Variants in GALNTL6 observed in about 807,000 individuals in gnomAD.
The protein encoded by GALNTL6 is polypeptide N-acetylgalactosaminyltransferase like 6, also known as polypeptide N-acetylgalactosaminyltransferase-like 6.
A neutral mutation model predicts 73.7 loss-of-function variants in GALNTL6; 46 were observed. The observed-to-expected ratio is 0.62, with a 90% CI of 0.49 to 0.80. GALNTL6 has a LOEUF of 0.80. GALNTL6 is among the 30% of genes least tolerant of loss of function. The probability of loss-of-function intolerance (pLI) is 0.00; values close to 1 mark genes in which losing one functional copy is unlikely to be tolerated. For synonymous variants in GALNTL6, 259 were observed against 263.7 expected, an observed-to-expected ratio of 0.98 and a Z score of 0.17; for missense variants, 604 against 755.0, an observed-to-expected ratio of 0.80 and a Z score of 2.34.
chr4:172,701,522 G>A (rs939354923), intron 5 of GALNTL6, among the ~76,000 whole-genome samples: 6 of 152,182 alleles, frequency 3.9e-5, no homozygotes, highest in African/African-American at 1.4e-4. Context: ...CTGTCTTTAG[G>A]TAACTCTTCC....
At chr4:172,988,726 G>T (rs965844775) in intron 10 of GALNTL6, among the ~76,000 whole-genome samples, 2 of 152,254 alleles carry the variant, frequency 1.3e-5, no homozygotes, top group African/African-American at 4.8e-5. Flanking sequence ...TTGAGACACT[G>T]CTCCCTGCAT....
intron 5 of GALNTL6, among the ~76,000 whole-genome samples, chr4:172,680,507 A>G (rs190120234): frequency 2.0e-4 from 30 of 152,336 alleles, no homozygotes; most frequent in African/African-American, 6.3e-4. Flanking sequence ...GATCTAAATT[A>G]TAGATGAGAC....
chr4:172,717,862 CAA>C (rs1735204878), intron 5 of GALNTL6, among the ~76,000 whole-genome samples: 1 of 152,152 alleles, frequency 6.6e-6, no homozygotes, highest in Admixed American at 6.5e-5. Context: ...GAAATCACAG[CAA>C]AGTCTCCTTT....
At chr4:171,901,824 G>A (rs1055554051) in intron 2 of GALNTL6, among the ~76,000 whole-genome samples, 4 of 151,744 alleles carry the variant, frequency 2.6e-5, no homozygotes, top group Admixed American at 2.0e-4. Context: ...TAATCATATG[G>A]GAGAAAAAAT....
rs563524779 is a variant in GALNTL6, at chr4:172,149,226, T to A, written c.139-80430T>A. The stretch of plus-strand genomic sequence containing the variant: ...AATATCCATTTTCAGTATATCTATA[T>A]AACAGACCAGTTCTTTTCTCCTTAA... On this transcript the variant is annotated intron_variant, in intron 2 of 12. Transcript: ENST00000506823. Among the ~76,000 whole-genome samples the A allele has an allele frequency of 1.1e-4, 17 of 152,364 alleles. No homozygotes were observed. In the East Asian group the frequency reaches 2.7e-3, roughly 24 times the overall value.
intron 2 of GALNTL6, among the ~76,000 whole-genome samples, chr4:172,227,784 G>T (rs1054300420): frequency 6.6e-6 from 1 of 152,134 alleles, no homozygotes; most frequent in East Asian, 1.9e-4. Flanking sequence ...TGTTCAATCT[G>T]CATTATATTA....
At chr4:173,021,046 C>A (rs1232639387) in intron 11 of GALNTL6, among the ~76,000 whole-genome samples, 2 of 152,174 alleles carry the variant, frequency 1.3e-5, no homozygotes, top group African/African-American at 2.4e-5. Context: ...GCACTCCAGC[C>A]TGGGAGACAG....
intron 5 of GALNTL6, among the ~76,000 whole-genome samples, chr4:172,405,542 A>T (rs1471766676): frequency 6.7e-6 from 1 of 149,800 alleles, no homozygotes; most frequent in East Asian, 2.0e-4. Context: ...AGCTACACAT[A>T]TAACCATGTT....
intron 7 of GALNTL6, among the ~76,000 whole-genome samples, chr4:172,830,657 C>T (rs999419164): frequency 1.8e-4 from 28 of 152,232 alleles, no homozygotes; most frequent in South Asian, 2.1e-4. Flanking sequence ...GCAGCCACAC[C>T]GTGGCATTAT....
At chr4:171,832,109 T>C (rs1296972968) in intron 2 of GALNTL6, among the ~76,000 whole-genome samples, 1 of 151,414 alleles carries the variant, frequency 6.6e-6, no homozygotes, top group African/African-American at 2.4e-5. Context: ...TTCCCTATGA[T>C]ATTTTCCATG....
chr4:172,913,536 G>T (rs1747330359), intron 8 of GALNTL6, among the ~76,000 whole-genome samples: 1 of 152,180 alleles, frequency 6.6e-6, no homozygotes, highest in Admixed American at 6.5e-5. Context: ...ACAGCATAGA[G>T]AAGACCTTAA....
At chr4:172,666,621 CAAT>C (rs1306533131) in intron 5 of GALNTL6, among the ~76,000 whole-genome samples, 9 of 152,190 alleles carry the variant, frequency 5.9e-5, no homozygotes, top group African/African-American at 1.4e-4. Flanking sequence ...TGTCTCAAAA[CAAT>C]GATGTAATTC....
In GALNTL6 at chr4:172,517,265, G is replaced by T. The variant is rs140675136; in HGVS notation, c.553+168576G>T. The stretch of plus-strand genomic sequence containing the variant: ...GTTTCTGGGCCTGAAACCTATTTCT[G>T]ATGGCCAGGTAGTGGCTCACAAGAA... On this transcript the variant is annotated intron_variant, in intron 5 of 12. Transcript: ENST00000506823. Among the ~76,000 whole-genome samples, 6 of 151,774 alleles carry T rather than the reference G, an allele frequency of 4.0e-5. No individual in the cohort carries two copies. In the East Asian group the frequency reaches 1.2e-3, roughly 29 times the overall value.
chr4:172,930,011 T>C (rs1748243845), intron 8 of GALNTL6, among the ~76,000 whole-genome samples: 1 of 152,174 alleles, frequency 6.6e-6, no homozygotes, highest in Non-Finnish European at 1.5e-5. Context: ...GTGCGGTGGC[T>C]CACGCCTGTA....
intron 5 of GALNTL6, among the ~76,000 whole-genome samples, chr4:172,702,183 A>G (rs1478016902): frequency 2.0e-5 from 3 of 152,092 alleles, no homozygotes; most frequent in South Asian, 2.1e-4. Flanking sequence ...CTTTTATATC[A>G]ATATTAGAAT....
intron 2 of GALNTL6, among the ~76,000 whole-genome samples, chr4:172,203,006 T>A (rs1736004040): frequency 6.6e-6 from 1 of 152,178 alleles, no homozygotes; most frequent in South Asian, 2.1e-4. Context: ...AGTTTACAAA[T>A]AATAGAGTTT....
At chr4:172,879,114 C>T (rs974771440) in intron 7 of GALNTL6, among the ~76,000 whole-genome samples, 8 of 151,648 alleles carry the variant, frequency 5.3e-5, no homozygotes, top group African/African-American at 1.7e-4. Context: ...AAGAGAGCTA[C>T]GGAAACATGT....
chr4:171,997,520 A>G lies in GALNTL6; in HGVS notation c.138+182802A>G, dbSNP rs144593345. Among the ~76,000 whole-genome samples the G allele has an allele frequency of 2.0e-4, 31 of 152,192 alleles. No homozygotes were observed. The East Asian group carries it at 2.5e-3, about 12-fold the overall frequency. ...TCATATTAGCCTACTGTTGGGCATAATCATCTAATGCAAAGCCTATTTTAT... is the reference window on the plus strand; with the variant it reads ...TCATATTAGCCTACTGTTGGGCATAGTCATCTAATGCAAAGCCTATTTTAT... On this transcript the variant is annotated intron_variant, in intron 2 of 12. Transcript: ENST00000506823.
At chr4:172,867,734 C>T (rs886329780) in intron 7 of GALNTL6, among the ~76,000 whole-genome samples, 6 of 152,212 alleles carry the variant, frequency 3.9e-5, no homozygotes, top group African/African-American at 1.4e-4. Flanking sequence ...GTAACACAAG[C>T]AGGTATACCT....
Sources: allele counts gnomAD v4.1 joint callset (sites outside exome capture counted in the v4.1 genomes callset), GRCh38; gene constraint gnomAD v4.1.1; transcripts MANE v1.5; gene names NCBI Gene and HGNC (gene_info 2026-07-23, HGNC 2026-07-21).